NKAIN2: variants seen among roughly 807,000 people sequenced by gnomAD.
NKAIN2 encodes sodium/potassium transporting ATPase interacting 2.
A neutral mutation model predicts 32.6 loss-of-function variants in NKAIN2; 14 were observed. The ratio of observed to expected loss-of-function variants is 0.43; its 90% CI spans 0.28 to 0.67. The LOEUF (loss-of-function observed/expected upper bound fraction) is 0.67. Ranked by LOEUF, NKAIN2 falls within the 30% of genes least tolerant of loss-of-function variation. The probability of loss-of-function intolerance (pLI) is 0.17; values close to 1 mark genes in which losing one functional copy is unlikely to be tolerated. For missense variants in NKAIN2, 198 were observed against 258.3 expected, an observed-to-expected ratio of 0.77 and a Z score of 1.60; for synonymous variants, 80 against 87.2, an observed-to-expected ratio of 0.92 and a Z score of 0.46.
chr6:123,878,743 C>G (rs1039522470), intron 1 of NKAIN2, among the ~76,000 whole-genome samples: 1 of 152,112 alleles, frequency 6.6e-6, no homozygotes, highest in Non-Finnish European at 1.5e-5. Context: ...TCAACTGTTT[C>G]CTTTCTTTCT....
intron 4 of NKAIN2, among the ~76,000 whole-genome samples, chr6:124,748,035 G>GA (rs372135307): frequency 6.6e-6 from 1 of 151,818 alleles, no homozygotes; most frequent in Non-Finnish European, 1.5e-5. Context: ...ATAAGAAGAT[G>GA]AAAAAACTAA....
At chr6:124,438,560 G>A (rs1435595558) in intron 3 of NKAIN2, among the ~76,000 whole-genome samples, 1 of 152,056 alleles carries the variant, frequency 6.6e-6, no homozygotes, top group Non-Finnish European at 1.5e-5. Flanking sequence ...AAAAACTCAG[G>A]GCTTACTACC....
At chr6:124,390,461 A>G (rs1172459357) in intron 3 of NKAIN2, among the ~76,000 whole-genome samples, 5 of 152,154 alleles carry the variant, frequency 3.3e-5, no homozygotes, top group Non-Finnish European at 7.4e-5. Flanking sequence ...TTAATATGCT[A>G]TCTGAACACT....
At chr6:124,507,492 A>G (rs1778532314) in intron 3 of NKAIN2, among the ~76,000 whole-genome samples, 2 of 152,154 alleles carry the variant, frequency 1.3e-5, no homozygotes, top group African/African-American at 4.8e-5. Flanking sequence ...CTTGGTTTAA[A>G]TATATGCTTT....
intron 5 of NKAIN2, among the ~76,000 whole-genome samples, chr6:124,804,281 T>A (rs551003391): frequency 6.6e-6 from 1 of 152,328 alleles, no homozygotes; most frequent in East Asian, 1.9e-4. Flanking sequence ...GGCACTGCCC[T>A]CACTGAGAAT....
chr6:124,287,855 G>C (rs1347460897), intron 2 of NKAIN2, among the ~76,000 whole-genome samples: 1 of 152,078 alleles, frequency 6.6e-6, no homozygotes. Flanking sequence ...ATAATCTGAG[G>C]AATATGTAGG....
intron 3 of NKAIN2, among the ~76,000 whole-genome samples, chr6:124,650,147 A>G (rs1257108650): frequency 1.3e-5 from 2 of 152,182 alleles, no homozygotes; most frequent in Non-Finnish European, 2.9e-5. Flanking sequence ...GTTGTAGCTA[A>G]CACAAGACAA....
At chr6:124,481,560 T>C (rs968939939) in intron 3 of NKAIN2, among the ~76,000 whole-genome samples, 1 of 152,138 alleles carries the variant, frequency 6.6e-6, no homozygotes, top group Non-Finnish European at 1.5e-5. Flanking sequence ...CTTAATTCTG[T>C]TTTTCAAATC....
chr6:124,279,045 A>G (rs1795173770), intron 1 of NKAIN2, among the ~76,000 whole-genome samples: 2 of 152,308 alleles, frequency 1.3e-5, no homozygotes, highest in Admixed American at 1.3e-4. Context: ...CATTTTGTAA[A>G]TAAAAATAAT....
intron 1 of NKAIN2, among the ~76,000 whole-genome samples, chr6:124,021,257 C>G (rs751258343): frequency 6.6e-6 from 1 of 151,968 alleles, no homozygotes; most frequent in Non-Finnish European, 1.5e-5. Context: ...CAATATATAG[C>G]ATGTATATGT....
At chr6:124,613,326 C>T (rs535072277) in intron 3 of NKAIN2, among the ~76,000 whole-genome samples, 194 of 152,204 alleles carry the variant, frequency 1.3e-3, no homozygotes, top group African/African-American at 4.4e-3. Flanking sequence ...AGCTACCTTC[C>T]GACCATAATC....
intron 3 of NKAIN2, among the ~76,000 whole-genome samples, chr6:124,609,513 A>T (rs971820730): frequency 1.2e-4 from 19 of 152,238 alleles, no homozygotes; most frequent in African/African-American, 3.1e-4. Flanking sequence ...TGGGAAATTT[A>T]AAAAAGTATC....
rs183015718 is a variant in NKAIN2, at chr6:124,550,498, C to T, written c.274-107688C>T. Among the ~76,000 whole-genome samples the T allele has an allele frequency of 5.3e-5, 8 of 152,206 alleles. No homozygotes were observed. The East Asian group carries it at 1.4e-3, about 26-fold the overall frequency. On this transcript the variant is annotated intron_variant, in intron 3 of 6. Coordinates refer to ENST00000368417, the MANE Select transcript of NKAIN2 (RefSeq NM_001040214.3). ...GGGTTCAAACAGTTCTCCAAAGGGC[C>T]CTGGTTACTTTTATTGGAAAATGGT... is the stretch of plus-strand genomic sequence containing the variant.
intron 3 of NKAIN2, among the ~76,000 whole-genome samples, chr6:124,381,191 T>G (rs574419579): frequency 6.6e-6 from 1 of 152,326 alleles, no homozygotes; most frequent in African/African-American, 2.4e-5. Flanking sequence ...TAAAGCAGTG[T>G]CACTCTTCTC....
chr6:124,446,087 C>T (rs1424034551), intron 3 of NKAIN2, among the ~76,000 whole-genome samples: 2 of 152,042 alleles, frequency 1.3e-5, no homozygotes, highest in African/African-American at 4.8e-5. Flanking sequence ...CTTACTCTGC[C>T]AGGAGTCCTG....
intron 4 of NKAIN2, among the ~76,000 whole-genome samples, chr6:124,712,574 C>T (rs980063422): frequency 7.2e-6 from 1 of 139,600 alleles, no homozygotes; most frequent in South Asian, 2.3e-4. Context: ...GGGAGTGACC[C>T]GATTTTCCAG....
chr6:124,498,970 G>A (rs555456144), intron 3 of NKAIN2, among the ~76,000 whole-genome samples: 1 of 152,178 alleles, frequency 6.6e-6, no homozygotes, highest in South Asian at 2.1e-4. Flanking sequence ...GTTTTGCTGT[G>A]TTGCCCAGGC....
chr6:123,840,427 A>G (rs1212416946), intron 1 of NKAIN2, among the ~76,000 whole-genome samples: 1 of 152,020 alleles, frequency 6.6e-6, no homozygotes, highest in Non-Finnish European at 1.5e-5. Context: ...ATCAGCAAAA[A>G]CTCACATATT....
intron 1 of NKAIN2, among the ~76,000 whole-genome samples, chr6:123,914,913 G>A (rs1367983990): frequency 6.6e-6 from 1 of 152,148 alleles, no homozygotes; most frequent in Non-Finnish European, 1.5e-5. Context: ...CTGTTGGTTA[G>A]TTTTAAATCA....
Sources: allele counts gnomAD v4.1 joint callset (sites outside exome capture counted in the v4.1 genomes callset), GRCh38; gene constraint gnomAD v4.1.1; transcripts MANE v1.5; gene names NCBI Gene and HGNC (gene_info 2026-07-23, HGNC 2026-07-21).